TPRG1: variants seen among roughly 807,000 people sequenced by gnomAD.
The protein encoded by TPRG1 is tumor protein p63 regulated 1, also known as tumor protein p63-regulated gene 1 protein.
In TPRG1, 29 loss-of-function variants were observed where a neutral mutation model predicts 29.3. The ratio of observed to expected loss-of-function variants is 0.99; its 90% confidence interval spans 0.74 to 1.35. The LOEUF (loss-of-function observed/expected upper bound fraction) is 1.35. Among genes scored for constraint, TPRG1 ranks in the 40% most tolerant of loss-of-function variants. The probability of loss-of-function intolerance (pLI) is 0.00; values close to 1 mark genes in which losing one functional copy is unlikely to be tolerated. For synonymous variants in TPRG1, 130 were observed against 116.8 expected, an observed-to-expected ratio of 1.11 and a Z score of -0.73; for missense variants, 327 against 335.0, an observed-to-expected ratio of 0.98 and a Z score of 0.19.
At chr3:189,301,644 A>T (rs1267022180) in intron 4 of TPRG1, among the ~76,000 whole-genome samples, 2 of 152,072 alleles carry the variant, frequency 1.3e-5, no homozygotes, top group Non-Finnish European at 2.9e-5. Flanking sequence ...GTTTGCCTCT[A>T]GTCTTCTTAA....
intron 4 of TPRG1, among the ~76,000 whole-genome samples, chr3:189,031,496 G>A (rs1182050634): frequency 6.6e-6 from 1 of 152,162 alleles, no homozygotes; most frequent in African/African-American, 2.4e-5. Flanking sequence ...GCAACATTGG[G>A]TGGTAGGTTA....
rs528945618 is a variant in TPRG1 at position 189,207,004 on chromosome 3, A to T, written c.-9-372A>T. 5.9e-5 allele frequency among the ~76,000 whole-genome samples: 9 copies of T among 152,224 alleles called. No homozygotes were observed. In the South Asian group the frequency reaches 1.9e-3, roughly 32 times the overall value. On this transcript the variant is annotated intron_variant, in intron 1 of 5. Transcript: ENST00000345063. Reference sequence around the variant, plus strand: ...AGAAAATGCATTATCATTGCTTTTAACTCTTAAATAAGCTTGCAGTCTGGT... The same window carrying T: ...AGAAAATGCATTATCATTGCTTTTATCTCTTAAATAAGCTTGCAGTCTGGT...
At chr3:189,087,358 GT>G (rs1428140366) in intron 4 of TPRG1, among the ~76,000 whole-genome samples, 2 of 152,086 alleles carry the variant, frequency 1.3e-5, no homozygotes, top group African/African-American at 4.8e-5. Context: ...GGGGTCGTTA[GT>G]TTTTTCTTGT....
chr3:189,124,456 T>C (rs1425286190), intron 1 of TPRG1, among the ~76,000 whole-genome samples: 2 of 152,134 alleles, frequency 1.3e-5, no homozygotes, highest in African/African-American at 4.8e-5. Flanking sequence ...TAGATTATTC[T>C]TCTGCTAGAT....
intron 3 of TPRG1, among the ~76,000 whole-genome samples, chr3:189,216,818 T>G (rs1736142837): frequency 6.6e-6 from 1 of 152,190 alleles, no homozygotes; most frequent in Non-Finnish European, 1.5e-5. Flanking sequence ...CCACCCCCAC[T>G]TCCCATCCAT....
intron 3 of TPRG1, among the ~76,000 whole-genome samples, chr3:189,140,875 C>T (rs550821077): frequency 1.6e-4 from 24 of 152,164 alleles, no homozygotes; most frequent in African/African-American, 4.6e-4. Context: ...TGGGTATGTC[C>T]GCGCCAATCT....
chr3:189,122,865 C>T (rs539040575), intron 1 of TPRG1, among the ~76,000 whole-genome samples: 9 of 152,038 alleles, frequency 5.9e-5, no homozygotes, highest in Non-Finnish European at 1.3e-4. Context: ...AATTGAGGCC[C>T]GGAGGAACTA....
At chr3:189,257,801 G>C (rs1227985994) in intron 4 of TPRG1, among the ~76,000 whole-genome samples, 7 of 151,938 alleles carry the variant, frequency 4.6e-5, no homozygotes, top group African/African-American at 1.7e-4. Flanking sequence ...TTTGGCTATT[G>C]ATACTTGTGT....
chr3:189,184,307 G>C (rs79058207), intron 1 of TPRG1, among the ~76,000 whole-genome samples: 1 of 152,168 alleles, frequency 6.6e-6, no homozygotes, highest in African/African-American at 2.4e-5. Flanking sequence ...AAAACCATGT[G>C]CATAGCACAT....
intron 4 of TPRG1, among the ~76,000 whole-genome samples, chr3:189,245,668 A>C (rs1741270617): frequency 6.6e-6 from 1 of 152,156 alleles, no homozygotes. Flanking sequence ...AGTTTTTTAC[A>C]AATATCAATT....
intron 3 of TPRG1, among the ~76,000 whole-genome samples, chr3:189,228,029 A>C (rs944778090): frequency 6.6e-6 from 1 of 151,962 alleles, no homozygotes; most frequent in African/African-American, 2.4e-5. Context: ...GCTGAGGCAG[A>C]AGAATCGCTT....
intron 4 of TPRG1, among the ~76,000 whole-genome samples, chr3:189,266,757 G>A: frequency 6.6e-6 from 1 of 152,130 alleles, no homozygotes; most frequent in East Asian, 1.9e-4. Context: ...ACCATCAGAA[G>A]CTGGTTTTAG....
intron 1 of TPRG1, among the ~76,000 whole-genome samples, chr3:189,177,227 G>A (rs983117253): frequency 5.9e-5 from 9 of 152,040 alleles, no homozygotes; most frequent in Admixed American, 2.6e-4. Flanking sequence ...GAAAAGAGTG[G>A]CCTTTATTTG....
At chr3:189,273,993 G>T (rs1228972988) in intron 4 of TPRG1, among the ~76,000 whole-genome samples, 1 of 150,170 alleles carries the variant, frequency 6.7e-6, no homozygotes, top group Non-Finnish European at 1.5e-5. Flanking sequence ...AAATAATGTT[G>T]TATTTGTCTG....
At chr3:189,248,442 CT>C (rs1051153826) in intron 4 of TPRG1, among the ~76,000 whole-genome samples, 3 of 151,258 alleles carry the variant, frequency 2.0e-5, no homozygotes, top group Admixed American at 6.6e-5. Context: ...CAATAGAATT[CT>C]TTTTTTTCTC....
intron 1 of TPRG1, among the ~76,000 whole-genome samples, chr3:189,104,489 GTCA>G (rs1719577577): frequency 6.6e-6 from 1 of 152,002 alleles, no homozygotes; most frequent in Non-Finnish European, 1.5e-5. Flanking sequence ...TCAGACTTAA[GTCA>G]ACATAAATAT....
chr3:189,123,309 T>G (rs1722049849), intron 1 of TPRG1, among the ~76,000 whole-genome samples: 1 of 152,180 alleles, frequency 6.6e-6, no homozygotes, highest in Non-Finnish European at 1.5e-5. Context: ...GCTTTGAGAT[T>G]TATGATTGGT....
upstream of TPRG1, among the ~76,000 whole-genome samples, chr3:189,097,456 A>G (rs1343486135): frequency 6.6e-6 from 1 of 152,192 alleles, no homozygotes; most frequent in Non-Finnish European, 1.5e-5. Context: ...GACTTAGTTT[A>G]TATCTCAATT....
intron 4 of TPRG1, among the ~76,000 whole-genome samples, chr3:189,049,921 A>G (rs1406579745): frequency 1.3e-5 from 2 of 152,224 alleles, no homozygotes; most frequent in African/African-American, 4.8e-5. Flanking sequence ...CCTCTGGGAT[A>G]CAGCAAATTT....
Sources: gnomAD v4.1 joint callset for allele counts (sites outside exome capture counted in the v4.1 genomes callset) on GRCh38, gnomAD v4.1.1 for gene constraint, MANE v1.5 for transcripts, NCBI Gene and HGNC (gene_info 2026-07-23, HGNC 2026-07-21) for gene names.